The following ZNF704 variants were observed in gnomAD, a reference collection of about 807,000 sequenced individuals.
ZNF704 encodes the protein zinc finger protein 704, also known as glucocorticoid induced gene 1.
ZNF704 carries 10 observed loss-of-function variants against 44.7 expected under a neutral mutation model. That is an observed-to-expected ratio of 0.22 (90% confidence interval 0.14 to 0.38). The LOEUF is 0.38. Ranked by LOEUF, ZNF704 falls within the 10% of genes least tolerant of loss-of-function variation. ZNF704 has a pLI of 1.00. For synonymous variants in ZNF704, 211 were observed against 207.6 expected, an observed-to-expected ratio of 1.02 and a Z score of -0.14; for missense variants, 390 against 545.5, an observed-to-expected ratio of 0.71 and a Z score of 2.84.
chr8:80,644,937 TTC>T, intron 7 of ZNF704: 2 of 1,078,230 alleles, frequency 1.9e-6, no homozygotes, highest in Non-Finnish European at 2.9e-6. Context: ...CCAGCTTCAT[TTC>T]TTTGTTTTCT....
chr8:80,740,893 C>T (rs1806744945), intron 2 of ZNF704, among the ~76,000 whole-genome samples: 1 of 152,246 alleles, frequency 6.6e-6, no homozygotes, highest in Non-Finnish European at 1.5e-5. Context: ...GGATGATTTA[C>T]TTCTAGCCGC....
At chr8:80,736,291 A>G (rs79434238) in intron 2 of ZNF704, among the ~76,000 whole-genome samples, 1,764 of 152,192 alleles carry the variant, frequency 0.012, 18 homozygotes, top group Non-Finnish European at 0.018. Context: ...CTTTTTTGTT[A>G]TTTTTTTGAG....
At chr8:80,822,449 T>A (rs565800396) in intron 1 of ZNF704, among the ~76,000 whole-genome samples, 3 of 152,336 alleles carry the variant, frequency 2.0e-5, no homozygotes, top group African/African-American at 7.2e-5. Flanking sequence ...CTATCATTGA[T>A]GGGACATTTG....
chr8:80,641,330 G>A lies in ZNF704; in HGVS notation c.*36C>T, dbSNP rs372497081. On this transcript the variant is annotated 3_prime_UTR_variant, in exon 9 of 9. Transcript: ENST00000327835. Reference sequence around the variant, plus strand: ...TGCAGTGGCAGGCCAGGGCAGGAGCGGCTCAGGGCCCTGAGCCCCTCTGCC... The same window carrying A: ...TGCAGTGGCAGGCCAGGGCAGGAGCAGCTCAGGGCCCTGAGCCCCTCTGCC... 30 of 1,404,688 alleles carry A rather than the reference G, an allele frequency of 2.1e-5. 1 individual carries two copies. The highest frequency in any genetic ancestry group is 1.4e-4 in the African/African-American group (10 of 69,870). The allele number at this position is 1,404,688 out of a possible 1,614,324, so 87.0% of individuals were successfully genotyped here.
chr8:80,766,536 C>T (rs1807231354), intron 2 of ZNF704, among the ~76,000 whole-genome samples: 1 of 152,130 alleles, frequency 6.6e-6, no homozygotes, highest in African/African-American at 2.4e-5. Flanking sequence ...TTAAAAGAGA[C>T]TTTAGTTAAT....
chr8:80,773,080 T>C (rs114672151), intron 2 of ZNF704, among the ~76,000 whole-genome samples: 2,538 of 152,314 alleles, frequency 0.017, 74 homozygotes, highest in African/African-American at 0.058. Context: ...ATTATTCATT[T>C]CTAGATTACA....
At position 80,628,946 on chromosome 8, in the gene ZNF704, C is replaced by T. The variant is rs749080504; in HGVS notation, c.*12420G>A. On this transcript the variant is annotated 3_prime_UTR_variant, in exon 9 of 9. Transcript: ENST00000327835. ...GAAAGTGCAGTTTAACTGGTATGAA[C>T]ATTTAACATTGTACATCTTCGATCT... 1.2e-4 allele frequency: 18 copies of T among 152,170 alleles called. No individual in the cohort carries two copies. The highest frequency in any genetic ancestry group is 2.6e-4 in the Admixed American group (4 of 15,280). 9.4% of individuals were successfully genotyped at this position (152,170 alleles called of 1,614,324 possible).
intron 1 of ZNF704, among the ~76,000 whole-genome samples, chr8:80,836,853 G>C (rs1367372635): frequency 6.6e-6 from 1 of 152,082 alleles, no homozygotes; most frequent in African/African-American, 2.4e-5. Flanking sequence ...TCATTCTGCA[G>C]GACTTATTAT....
At chr8:80,695,034 A>G (rs945567439) in intron 2 of ZNF704, among the ~76,000 whole-genome samples, 2 of 152,232 alleles carry the variant, frequency 1.3e-5, no homozygotes, top group African/African-American at 2.4e-5. Context: ...CATACCATTT[A>G]AAGATTTTAC....
At chr8:80,708,530 G>A (rs1749949654) in intron 2 of ZNF704, among the ~76,000 whole-genome samples, 1 of 152,236 alleles carries the variant, frequency 6.6e-6, no homozygotes, top group Admixed American at 6.5e-5. Context: ...AACAATACAC[G>A]TGGCTTCTAA....
In ZNF704 at chr8:80,874,389, C is replaced by T. The variant is rs1809326242; in HGVS notation, c.-22+182G>A. ...GCTCCATGCGGCCGGCGGCCGAGCC[C>T]GCGCGCGCCTCTCCCGGCCGGCTGC... is the stretch of plus-strand genomic sequence containing the variant. On this transcript the variant is annotated intron_variant, in intron 1 of 8. Coordinates refer to ENST00000327835, the MANE Select transcript of ZNF704 (RefSeq NM_001033723.3). This position sits in a 1 kb window ranked among gnomAD's most constrained non-coding sequence, Gnocchi z 4.4. Among the ~76,000 whole-genome samples, 1 of 147,098 alleles carries T rather than the reference C, an allele frequency of 6.8e-6. No homozygotes were observed. Among genetic ancestry groups the T allele is most frequent in the African/African-American group, 2.4e-5 (1 of 40,874 alleles).
chr8:80,825,795 T>C (rs1275468755), intron 1 of ZNF704, among the ~76,000 whole-genome samples: 1 of 152,114 alleles, frequency 6.6e-6, no homozygotes, highest in Non-Finnish European at 1.5e-5. Context: ...CTCAACTACA[T>C]GGAAACTGAA....
chr8:80,781,497 G>A (rs1807522355), intron 2 of ZNF704, among the ~76,000 whole-genome samples: 1 of 152,196 alleles, frequency 6.6e-6, no homozygotes, highest in Non-Finnish European at 1.5e-5. Flanking sequence ...ATTTAGTGAT[G>A]TACTAAAAAC....
intron 4 of ZNF704, among the ~76,000 whole-genome samples, chr8:80,679,108 A>AG (rs1238503903): frequency 6.6e-6 from 1 of 152,152 alleles, no homozygotes; most frequent in African/African-American, 2.4e-5. Flanking sequence ...TTAAGGCTCT[A>AG]CGGGTTAGGG....
chr8:80,646,239 G>A (rs1329612682), intron 7 of ZNF704, among the ~76,000 whole-genome samples: 1 of 152,178 alleles, frequency 6.6e-6, no homozygotes, highest in Admixed American at 6.5e-5. Context: ...TAGCACTTTG[G>A]GAGGCCAAGG....
chr8:80,637,936 G>A lies in ZNF704; in HGVS notation c.*3430C>T, dbSNP rs1046822479. On this transcript the variant is annotated 3_prime_UTR_variant, in exon 9 of 9. Transcript: ENST00000327835. ...TCTTGGCCGGAGGTACTTCCCTTCA[G>A]GTCATTCTCTCCTTGCTTCAGGCAG... is the stretch of plus-strand genomic sequence containing the variant. 2.0e-5 allele frequency: 3 copies of A among 152,320 alleles called. No homozygotes were observed. The highest frequency in any genetic ancestry group is 7.2e-5 in the African/African-American group (3 of 41,462). The allele number at this position is 152,320 out of a possible 1,614,324, so 9.4% of individuals were successfully genotyped here.
chr8:80,717,857 A>C (rs1819095980), intron 2 of ZNF704, among the ~76,000 whole-genome samples: 1 of 152,190 alleles, frequency 6.6e-6, no homozygotes, highest in Non-Finnish European at 1.5e-5. Flanking sequence ...TAAACCTCTT[A>C]GCATGCCATT....
chr8:80,838,575 G>A (rs1030675769), intron 1 of ZNF704, among the ~76,000 whole-genome samples: 1 of 151,356 alleles, frequency 6.6e-6, no homozygotes, highest in Non-Finnish European at 1.5e-5. Flanking sequence ...AGGAGGAGGA[G>A]GAAAAGGGGG....
chr8:80,821,302 A>C, intron 2 of ZNF704, 72 bp downstream of exon 2: 1 of 1,442,710 alleles, frequency 6.9e-7, no homozygotes, highest in Non-Finnish European at 9.7e-7. Context: ...GAGTCTGTAC[A>C]CTGGCAGAGA....
Sources: allele counts gnomAD v4.1 joint callset (sites outside exome capture counted in the v4.1 genomes callset), GRCh38; gene constraint gnomAD v4.1.1; non-coding constraint Gnocchi (gnomAD v3.1); transcripts MANE v1.5; gene names NCBI Gene and HGNC (gene_info 2026-07-23, HGNC 2026-07-21).